The following CSMD1 variants were observed in gnomAD, a reference collection of about 807,000 sequenced individuals.
CSMD1 encodes the protein CUB and sushi domain-containing protein 1.
In CSMD1, 213 loss-of-function variants were observed where a neutral mutation model predicts 417.5. That is an observed-to-expected ratio of 0.51 (90% CI 0.46 to 0.57). CSMD1 has a LOEUF of 0.57. CSMD1 is among the 20% of genes least tolerant of loss of function. CSMD1 has a pLI of 0.00. For synonymous variants in CSMD1, 2,862 were observed against 1,736.8 expected (o/e 1.65, Z -16.11); for missense variants, 6,923 against 4,529.7 (o/e 1.53, Z -15.17).
chr8:3,377,446 G>A (rs1450085850), intron 18 of CSMD1, among the ~76,000 whole-genome samples: 3 of 152,104 alleles, frequency 2.0e-5, no homozygotes, highest in Admixed American at 6.5e-5. Context: ...AGACAATAAA[G>A]AAACAAAATG....
chr8:4,074,325 A>C (rs1478937499), intron 3 of CSMD1, among the ~76,000 whole-genome samples: 2 of 152,106 alleles, frequency 1.3e-5, no homozygotes, highest in African/African-American at 4.8e-5. Flanking sequence ...ATAGATTAAC[A>C]GTATTTGGCA....
intron 4 of CSMD1, among the ~76,000 whole-genome samples, chr8:4,022,680 G>T (rs948216121): frequency 6.6e-6 from 1 of 152,154 alleles, no homozygotes; most frequent in African/African-American, 2.4e-5. Flanking sequence ...AGATTTGGGG[G>T]AAATGAAGGC....
At chr8:3,605,117 C>A (rs1045751754) in intron 8 of CSMD1, among the ~76,000 whole-genome samples, 3 of 152,174 alleles carry the variant, frequency 2.0e-5, no homozygotes, top group African/African-American at 7.2e-5. Flanking sequence ...GCCTCAGCCT[C>A]CCGAGTAGCT....
intron 3 of CSMD1, among the ~76,000 whole-genome samples, chr8:4,247,893 T>C (rs1585093107): frequency 1.3e-5 from 2 of 152,304 alleles, no homozygotes; most frequent in African/African-American, 4.8e-5. Context: ...TCTTGAGGGA[T>C]AAATTTTCAC....
chr8:3,681,167 T>C (rs1429763322), intron 7 of CSMD1, among the ~76,000 whole-genome samples: 15 of 152,086 alleles, frequency 9.9e-5, no homozygotes, highest in South Asian at 2.1e-4. Flanking sequence ...CTATTCAACA[T>C]AGTGTTGGAA....
chr8:4,559,977 T>C (rs1303056745), intron 2 of CSMD1, among the ~76,000 whole-genome samples: 3 of 152,238 alleles, frequency 2.0e-5, no homozygotes, highest in Non-Finnish European at 4.4e-5. Context: ...GTCATAAATG[T>C]GCACCTCCTG....
chr8:2,988,961 C>G (rs565643024), intron 54 of CSMD1, among the ~76,000 whole-genome samples: 378 of 152,288 alleles, frequency 2.5e-3, no homozygotes, highest in Non-Finnish European at 4.3e-3. Context: ...GATGGGGTCT[C>G]TGTTTTGTGC....
chr8:4,340,525 A>T (rs553531191), intron 3 of CSMD1, among the ~76,000 whole-genome samples: 1 of 152,158 alleles, frequency 6.6e-6, no homozygotes, highest in South Asian at 2.1e-4. Context: ...ACTTTATTAT[A>T]TGTCAGATGA....
intron 10 of CSMD1, among the ~76,000 whole-genome samples, chr8:3,536,067 A>G (rs1224058493): frequency 1.3e-5 from 2 of 152,162 alleles, no homozygotes; most frequent in East Asian, 1.9e-4. Flanking sequence ...CTGGCCATAC[A>G]CAAGTAGAGA....
intron 3 of CSMD1, among the ~76,000 whole-genome samples, chr8:4,134,287 G>A (rs528957868): frequency 3.9e-5 from 6 of 152,134 alleles, no homozygotes; most frequent in Non-Finnish European, 8.8e-5. Context: ...CTGTATTTGA[G>A]GATAAAGCCT....
chr8:4,115,768 T>C (rs1386015940), intron 3 of CSMD1, among the ~76,000 whole-genome samples: 2 of 151,772 alleles, frequency 1.3e-5, no homozygotes, highest in Non-Finnish European at 2.9e-5. Context: ...AGAAATAAGC[T>C]ATCAAGCCAT....
chr8:3,049,787 A>C (rs1235500178), intron 50 of CSMD1, among the ~76,000 whole-genome samples: 4 of 152,082 alleles, frequency 2.6e-5, no homozygotes, highest in Admixed American at 2.0e-4. Context: ...ATGGTATGTC[A>C]ATGTAGGTGC....
At chr8:3,806,314 G>A (rs757748509) in intron 5 of CSMD1, among the ~76,000 whole-genome samples, 3 of 152,012 alleles carry the variant, frequency 2.0e-5, no homozygotes, top group African/African-American at 4.8e-5. Flanking sequence ...TAATTCTTTG[G>A]GTAATTAATA....
intron 3 of CSMD1, among the ~76,000 whole-genome samples, chr8:4,213,843 C>T (rs755881593): frequency 4.6e-5 from 7 of 152,266 alleles, no homozygotes; most frequent in East Asian, 3.9e-4. Flanking sequence ...TATTGAACCC[C>T]AGTGTTTAGG....
chr8:4,717,564 A>ATCTATCCT (rs1808760114), intron 1 of CSMD1, among the ~76,000 whole-genome samples: 2 of 70,326 alleles, frequency 2.8e-5, no homozygotes, highest in African/African-American at 1.9e-4. Context: ...CTATCTATCT[A>ATCTATCCT]TCCATCCATC....
At chr8:4,701,722 T>C (rs962252534) in intron 1 of CSMD1, among the ~76,000 whole-genome samples, 12 of 152,028 alleles carry the variant, frequency 7.9e-5, no homozygotes, top group Admixed American at 2.0e-4. Context: ...ATCATAACAT[T>C]CCTCTTTTTC....
intron 5 of CSMD1, among the ~76,000 whole-genome samples, chr8:3,897,975 G>C (rs1161279166): frequency 6.6e-6 from 1 of 152,130 alleles, no homozygotes; most frequent in African/African-American, 2.4e-5. Context: ...TCAAAATCTA[G>C]TCACGGAGAA....
intron 3 of CSMD1, among the ~76,000 whole-genome samples, chr8:4,319,418 C>T (rs1799130793): frequency 6.6e-6 from 1 of 152,102 alleles, no homozygotes; most frequent in Non-Finnish European, 1.5e-5. Flanking sequence ...TGAGCCCTAA[C>T]CAATATACCT....
At chr8:3,539,689 T>A (rs370209439) in intron 10 of CSMD1, among the ~76,000 whole-genome samples, 1 of 151,368 alleles carries the variant, frequency 6.6e-6, no homozygotes, top group East Asian at 1.9e-4. Context: ...CCAAATCAAG[T>A]GTGGGATAAC....
Sources: gnomAD v4.1 joint callset for allele counts (sites outside exome capture counted in the v4.1 genomes callset) on GRCh38, gnomAD v4.1.1 for gene constraint, MANE v1.5 for transcripts, NCBI Gene and HGNC (gene_info 2026-07-23, HGNC 2026-07-21) for gene names.